The following ESRP1 variants were observed in gnomAD, a reference collection of about 807,000 sequenced individuals.
The protein encoded by ESRP1 is RNA-binding motif protein 35A.
In ESRP1, 33 loss-of-function variants were observed where a neutral mutation model predicts 81.7. The observed-to-expected ratio is 0.40, with a 90% CI of 0.31 to 0.54. ESRP1 has a LOEUF of 0.54. ESRP1 is among the 20% of genes least tolerant of loss of function. The pLI is 0.41. For synonymous variants in ESRP1, 320 were observed against 303.3 expected, an observed-to-expected ratio of 1.06 and a Z score of -0.57; for missense variants, 672 against 833.1, an observed-to-expected ratio of 0.81 and a Z score of 2.38.
At chr8:94,664,581 C>A in intron 6 of ESRP1, 116 bp from the exon 7 acceptor site, 1 of 718,968 alleles carries the variant, frequency 1.4e-6, no homozygotes, top group Non-Finnish European at 2.4e-6. Context: ...TATTGCTAGT[C>A]TGTCTGAACA....
chr8:94,681,342 A>C (rs1298882314), intron 13 of ESRP1, among the ~76,000 whole-genome samples: 2 of 143,578 alleles, frequency 1.4e-5, no homozygotes, highest in East Asian at 2.1e-4. Flanking sequence ...AAAAAAAAAA[A>C]AAAAAAAAAA....
At chr8:94,696,075 C>CA (rs1809594824) in intron 14 of ESRP1, among the ~76,000 whole-genome samples, 1 of 150,692 alleles carries the variant, frequency 6.6e-6, no homozygotes, top group Admixed American at 6.7e-5. Context: ...AACAAACAAA[C>CA]AAAAAACTAC....
chr8:94,656,912 G>T (rs1190180574), intron 4 of ESRP1, among the ~76,000 whole-genome samples: 3 of 152,164 alleles, frequency 2.0e-5, no homozygotes, highest in Non-Finnish European at 4.4e-5. Flanking sequence ...ACCATTTTTA[G>T]GTAATTGGGA....
At chr8:94,692,633 C>T (rs1471776573) in intron 13 of ESRP1, 44 bp from the exon 14 acceptor site, 2 of 1,583,384 alleles carry the variant, frequency 1.3e-6, no homozygotes, top group Admixed American at 3.6e-5. Context: ...AAGTATTCAA[C>T]ATTGTCTATT....
rs1808723512 is a variant in ESRP1 at position 94,678,303 on chromosome 8, G to A, written c.1752G>A (p.Leu584=). 2 of 1,613,994 alleles carry A rather than the reference G, an allele frequency of 1.2e-6. 1 individual carries two copies. Residue 584 remains leucine, a synonymous_variant, in exon 13 of 16, where the codon CTG becomes CTA. Transcript: ENST00000433389. ...QPSVILNPRA[L]QPSTAYYPAG... ...CTGTGATTTTGAATCCACGAGCACT[G>A]CAGCCCTCCACAGCGTACTACCCAG...
chr8:94,674,310 C>T lies in ESRP1; in HGVS notation c.1455C>T (p.Gly485=). The T allele has an allele frequency of 1.2e-6, 2 of 1,613,382 alleles. No individual in the cohort carries two copies. Among genetic ancestry groups the T allele is most frequent in the South Asian group, 2.2e-5 (2 of 90,948 alleles). The change falls in exon 12 of 16, where the codon GGC becomes GGT. Residue 485 remains glycine (G), a splice_region_variant and synonymous_variant. Coordinates refer to ENST00000433389, the MANE Select transcript of ESRP1 (RefSeq NM_017697.4). The part of the protein sequence containing the change: ...HGVHMVLNHQ[G]RPSGDAFIQM... ...TTATTCTTCCCCCACACACTCAGGGCCGCCCATCAGGAGATGCCTTTATCC... is the reference window on the plus strand; with the variant it reads ...TTATTCTTCCCCCACACACTCAGGGTCGCCCATCAGGAGATGCCTTTATCC...
At chr8:94,651,148 G>T (rs1294627702) in intron 4 of ESRP1, among the ~76,000 whole-genome samples, 1 of 151,758 alleles carries the variant, frequency 6.6e-6, no homozygotes, top group Admixed American at 6.6e-5. Context: ...AAGCAATGAG[G>T]CCTTGCATTT....
chr8:94,664,323 C>A (rs1818905778), intron 6 of ESRP1, among the ~76,000 whole-genome samples: 1 of 151,952 alleles, frequency 6.6e-6, no homozygotes, highest in Non-Finnish European at 1.5e-5. Flanking sequence ...GGGGTTTTAC[C>A]ATGTTGGCCA....
chr8:94,694,926 A>G (rs1809537970), intron 14 of ESRP1, among the ~76,000 whole-genome samples: 2 of 152,230 alleles, frequency 1.3e-5, no homozygotes, highest in Admixed American at 6.5e-5. Context: ...ATCTAATTCA[A>G]CGTATCAAAT....
chr8:94,643,606 A>G (rs1817716709), intron 3 of ESRP1, among the ~76,000 whole-genome samples, 190 bp downstream of exon 3: 1 of 152,248 alleles, frequency 6.6e-6, no homozygotes, highest in Admixed American at 6.5e-5. Flanking sequence ...ATGGTTGCAA[A>G]ATATGTTAAT....
At chr8:94,677,999 C>T (rs77378882) in intron 12 of ESRP1, among the ~76,000 whole-genome samples, 2 of 152,124 alleles carry the variant, frequency 1.3e-5, no homozygotes, top group Non-Finnish European at 2.9e-5. Flanking sequence ...AGGCAAAGAA[C>T]TGTTTTTTAG....
chr8:94,670,874 A>G (rs1039337863), intron 10 of ESRP1, among the ~76,000 whole-genome samples: 2 of 152,210 alleles, frequency 1.3e-5, no homozygotes, highest in African/African-American at 4.8e-5. Context: ...TCAGGTCTTT[A>G]TACCCACCCA....
In ESRP1 at chr8:94,696,379, C is replaced by T. The variant is rs181016249; in HGVS notation, c.1972-473C>T. On this transcript the variant is annotated intron_variant, in intron 14 of 15. Coordinates refer to ENST00000433389, the MANE Select transcript of ESRP1 (RefSeq NM_017697.4). ...CTGATTATTGTTTCTTTGGACCTCT[C>T]ACTACTTGCTGCCCTGCTGAGAGAA... Among the ~76,000 whole-genome samples, 29 of 152,298 alleles carry T rather than the reference C, an allele frequency of 1.9e-4. No individual in the cohort carries two copies. In the East Asian group the frequency reaches 4.4e-3, roughly 23 times the overall value.
At chr8:94,686,934 A>G (rs996414021) in intron 13 of ESRP1, among the ~76,000 whole-genome samples, 5 of 152,214 alleles carry the variant, frequency 3.3e-5, no homozygotes, top group Admixed American at 1.3e-4. Flanking sequence ...GCCTGTACAC[A>G]TGATTTTTAT....
At chr8:94,643,938 G>A (rs948215278) in intron 3 of ESRP1, among the ~76,000 whole-genome samples, 2 of 152,164 alleles carry the variant, frequency 1.3e-5, no homozygotes, top group Admixed American at 6.5e-5. Context: ...CATTAAAAAG[G>A]CTACTTAAAT....
At chr8:94,652,478 G>GAT (rs1293626225) in intron 4 of ESRP1, among the ~76,000 whole-genome samples, 2 of 144,092 alleles carry the variant, frequency 1.4e-5, no homozygotes, top group Non-Finnish European at 3.0e-5. Flanking sequence ...GGGCTTCTGT[G>GAT]GTTTTTTTTT....
At chr8:94,677,665 T>C (rs1386038971) in intron 12 of ESRP1, among the ~76,000 whole-genome samples, 1 of 152,228 alleles carries the variant, frequency 6.6e-6, no homozygotes, top group Non-Finnish European at 1.5e-5. Context: ...AGAATTGATC[T>C]GCTTGTTTCT....
At chr8:94,649,710 A>T (rs572397664) in intron 4 of ESRP1, 11 of 152,142 alleles carry the variant, frequency 7.2e-5, no homozygotes, top group Non-Finnish European at 1.3e-4. Context: ...ATGGGGTTTC[A>T]CCATGTTGGC....
Position 94,706,960 on chromosome 8 carries a change from C to T in ESRP1, c.*1071C>T, listed in dbSNP as rs1810089981. The stretch of plus-strand genomic sequence containing the variant: ...GAGGTAAACACTGATGCAATTAGAA[C>T]AGGTACTGATGCTGTCAGTGTTTAA... On this transcript the variant is annotated 3_prime_UTR_variant, in exon 16 of 16. Coordinates refer to ENST00000433389, the MANE Select transcript of ESRP1 (RefSeq NM_017697.4). 1 of 152,200 alleles carries T rather than the reference C, an allele frequency of 6.6e-6. No homozygotes were observed. The highest frequency in any genetic ancestry group is 1.5e-5 in the Non-Finnish European group (1 of 68,048). The allele number at this position is 152,200 out of a possible 1,614,324, so 9.4% of individuals were successfully genotyped here.
Sources: gnomAD v4.1 joint callset for allele counts (sites outside exome capture counted in the v4.1 genomes callset) on GRCh38, gnomAD v4.1.1 for gene constraint, MANE v1.5 for transcripts, NCBI Gene and HGNC (gene_info 2026-07-23, HGNC 2026-07-21) for gene names.